ZZEF1: variants seen among roughly 807,000 people sequenced by gnomAD.
ZZEF1 encodes the protein zinc finger ZZ-type and EF-hand domain containing 1, also known as zinc finger ZZ-type and EF-hand domain-containing protein 1.
A neutral mutation model predicts 342.8 loss-of-function variants in ZZEF1; 157 were observed. The observed-to-expected ratio is 0.46, with a 90% confidence interval of 0.40 to 0.52. The LOEUF is 0.52. Ranked by LOEUF, ZZEF1 falls within the 20% of genes least tolerant of loss-of-function variation. ZZEF1 has a pLI of 0.00. For synonymous variants in ZZEF1, 1,505 were observed against 1,429.1 expected (o/e 1.05, Z -1.20); for missense variants, 3,480 against 3,725.6 (o/e 0.93, Z 1.72).
chr17:4,078,069 TGTTC>T, intron 18 of ZZEF1, 27 bp from the exon 19 acceptor site: 3 of 1,603,002 alleles, frequency 1.9e-6, no homozygotes, highest in Non-Finnish European at 2.6e-6. Flanking sequence ...AAACAGAAAG[TGTTC>T]GTGACAAGGC....
At position 4,064,374 on chromosome 17, in the gene ZZEF1, G is replaced by A. The variant is rs142687509; in HGVS notation, c.4705C>T (p.Leu1569Phe). 10 of 1,589,014 alleles carry A rather than the reference G, an allele frequency of 6.3e-6. No individual in the cohort carries two copies. The highest frequency in any genetic ancestry group is 8.6e-6 in the Non-Finnish European group (10 of 1,162,464). Residue 1569 changes from leucine to phenylalanine, a missense_variant, in exon 29 of 55, where the codon CTC becomes TTC. By Grantham distance (22) the Leu-to-Phe change is conservative. Transcript: ENST00000381638. ...CAACGGGCTTACCTCCTGTGCGAGA[G>A]CGACTGATCCTTAATGAAGTCCATG... Reference protein sequence around the residue: ...DVMDFIKDQSLSHRSVVKVLS... With the variant: ...DVMDFIKDQSFSHRSVVKVLS...
intron 52 of ZZEF1, 130 bp from the exon 53 acceptor site, chr17:4,009,887 C>T: frequency 9.6e-7 from 1 of 1,041,830 alleles, no homozygotes; most frequent in East Asian, 2.6e-5. Context: ...ATAAAGTCGC[C>T]TCACCTATGC....
chr17:4,022,245 G>C (rs2056290479), intron 44 of ZZEF1, among the ~76,000 whole-genome samples: 1 of 152,102 alleles, frequency 6.6e-6, no homozygotes, highest in Non-Finnish European at 1.5e-5. Flanking sequence ...AGTTGGCACT[G>C]GGCACAGAAA....
rs778411825 is a variant in ZZEF1 at position 4,051,954 on chromosome 17, G to A, written c.5600+17C>T. ...TGTAAATAAAAGGCTTGGTGGCGAC[G>A]GTCACTTGAGACATACCCGTAGGAG... On this transcript the variant is annotated intron_variant, in intron 35 of 54. Transcript: ENST00000381638. The A allele has an allele frequency of 8.8e-6, 14 of 1,598,484 alleles. No homozygotes were observed. In the East Asian group the frequency reaches 9.0e-5, roughly 10 times the overall value.
intron 37 of ZZEF1, among the ~76,000 whole-genome samples, chr17:4,045,132 C>T (rs1444678845): frequency 1.3e-5 from 2 of 151,706 alleles, no homozygotes; most frequent in East Asian, 1.9e-4. Context: ...CCAGCCTGGG[C>T]GACAGAGCAA....
intron 29 of ZZEF1, among the ~76,000 whole-genome samples, chr17:4,063,188 T>C (rs1057050823): frequency 4.6e-5 from 7 of 152,240 alleles, no homozygotes; most frequent in Non-Finnish European, 7.3e-5. Context: ...ATATTTTCAC[T>C]TTCCATAGAG....
chr17:4,019,799 A>G (rs1163418021), intron 45 of ZZEF1, 30 bp from the exon 46 acceptor site: 7 of 1,550,622 alleles, frequency 4.5e-6, no homozygotes, highest in Non-Finnish European at 6.2e-6. Flanking sequence ...GCAGACAAGA[A>G]CCATTAACAG....
Position 4,016,554 on chromosome 17 carries a change from G to A in ZZEF1, c.8002-88C>T. ...TACTTCAACCCAAGCTCCACCCAAA[G>A]GTGCTGGCATCATCTTAGACCTAGG... On this transcript the variant is annotated intron_variant, in intron 48 of 54. Transcript: ENST00000381638. The surrounding 1 kb of genome is among the most constrained non-coding windows in gnomAD (Gnocchi z 4.4). 5.4e-6 allele frequency: 8 copies of A among 1,484,384 alleles called. No individual in the cohort carries two copies. The South Asian group carries it at 8.0e-5, about 15-fold the overall frequency. The allele number at this position is 1,484,384 out of a possible 1,614,324, so 92.0% of individuals were successfully genotyped here. A position where few individuals can be genotyped will look rare whatever the true frequency, so the allele number is the denominator to read the frequency against.
Position 4,056,346 on chromosome 17 carries a change from C to A in ZZEF1, c.5166-1G>T. On this transcript the variant is annotated splice_acceptor_variant, in intron 32 of 54. Transcript: ENST00000381638. LOFTEE classifies it high-confidence loss of function. The stretch of plus-strand genomic sequence containing the variant: ...AAGCTCATCTTCTTCACTCCATTGG[C>A]TGAAAGAAGGACATAAAGAGAGAAA... The A allele has an allele frequency of 6.3e-7, 1 of 1,586,560 alleles. No homozygotes were observed. The highest frequency in any genetic ancestry group is 1.2e-5 in the South Asian group (1 of 84,582).
At chr17:4,129,921 CAA>C (rs2058636983) in intron 1 of ZZEF1, among the ~76,000 whole-genome samples, 1 of 152,106 alleles carries the variant, frequency 6.6e-6, no homozygotes, top group Non-Finnish European at 1.5e-5. Context: ...AACAGAAAAC[CAA>C]ATACTGCATG....
intron 1 of ZZEF1, among the ~76,000 whole-genome samples, chr17:4,134,362 A>ATATT (rs956735792): frequency 6.8e-6 from 1 of 146,688 alleles, no homozygotes; most frequent in Admixed American, 6.9e-5. Flanking sequence ...TTATATATAT[A>ATATT]TATTTATATA....
At chr17:4,116,658 A>G (rs1428242032) in intron 3 of ZZEF1, among the ~76,000 whole-genome samples, 1 of 152,258 alleles carries the variant, frequency 6.6e-6, no homozygotes, top group Non-Finnish European at 1.5e-5. Flanking sequence ...ACAACTTCAG[A>G]TAACAATAAG....
At chr17:4,091,894 T>C (rs68060817) in intron 11 of ZZEF1, among the ~76,000 whole-genome samples, 20,060 of 149,040 alleles carry the variant, frequency 0.13, 1,539 homozygotes, top group East Asian at 0.19. Context: ...CTGACCAACA[T>C]TAAGAAACTC....
At chr17:4,107,484 A>G (rs1217530859) in intron 6 of ZZEF1, among the ~76,000 whole-genome samples, 1 of 152,130 alleles carries the variant, frequency 6.6e-6, no homozygotes, top group East Asian at 1.9e-4. Context: ...GTACGGCCTG[A>G]TATGGAATGC....
In ZZEF1 at chr17:4,074,318, A is replaced by G; in HGVS notation, c.3517T>C (p.Phe1173Leu). 3.7e-6 allele frequency: 6 copies of G among 1,614,178 alleles called. No individual in the cohort carries two copies. Among genetic ancestry groups the G allele is most frequent in the Non-Finnish European group, 5.1e-6 (6 of 1,180,034 alleles). Residue 1173 changes from phenylalanine (F) to leucine (L), a missense_variant, in exon 24 of 55, where the codon TTC becomes CTC. Physicochemically the swap from Phe to Leu is conservative, Grantham distance 22 (BLOSUM62 0). This residue lies in a region of ZZEF1 where 1,528 missense variants were observed against 1,624.1 expected (regional missense o/e 0.94). Transcript: ENST00000381638. ...TGACTGCTGTCAGAGTGAAAGAGGA[A>G]CTGCAACCGAGGACCGGCCTTGAAG... Reference protein sequence around the residue: ...VTFKAGPRLQFLFHSDSSHNE... With the variant: ...VTFKAGPRLQLLFHSDSSHNE...
rs74340131 is a variant in ZZEF1, at chr17:4,128,345, T to TA, written c.355-4295dup. ...CCTGGGTGACAGAGCCAGACTGTCT[T>TA]AAAAAAAAAAAAAAAAAAAAAAAAG... On this transcript the variant is annotated intron_variant, in intron 1 of 54. Transcript: ENST00000381638. 3.0e-3 allele frequency among the ~76,000 whole-genome samples: 247 copies of TA among 81,524 alleles called. 2 individuals carry two copies. Among genetic ancestry groups the TA allele is most frequent in the South Asian group, 0.012 (24 of 2,056 alleles). The allele number at this position is 81,524 out of a possible 152,430, so 53.5% of individuals were successfully genotyped here. A position where few individuals can be genotyped will look rare whatever the true frequency, so the allele number is the denominator to read the frequency against.
At chr17:4,074,406 A>C in intron 23 of ZZEF1, 55 bp from the exon 24 acceptor site, 1 of 1,554,038 alleles carries the variant, frequency 6.4e-7, no homozygotes, top group Non-Finnish European at 8.9e-7. Context: ...AGTGCTTCAG[A>C]AATCAGCATG....
At chr17:4,033,092 C>G (rs1037623278) in intron 40 of ZZEF1, 90 bp from the exon 41 acceptor site, 22 of 1,305,188 alleles carry the variant, frequency 1.7e-5, no homozygotes, top group Non-Finnish European at 2.2e-5. Flanking sequence ...GACCCAGAAG[C>G]CTTCAAAGAG....
At position 4,017,542 on chromosome 17, in the gene ZZEF1, C is replaced by G; in HGVS notation, c.7830G>C (p.Val2610=). The change falls in exon 48 of 55, where the codon GTG becomes GTC. Residue 2610 remains valine (V), a synonymous_variant. Transcript: ENST00000381638. The surrounding 1 kb of genome is among the most constrained non-coding windows in gnomAD (Gnocchi z 5.1). The part of the protein sequence containing the change: ...KRAVRDYLFR[V]NEATAVLYAR... ...CGTACAGGACAGCTGTGGCCTCGTT[C>G]ACTCGGAAGAGGTAGTCCCGGACAG... 1 of 1,614,288 alleles carries G rather than the reference C, an allele frequency of 6.2e-7. No homozygotes were observed. The highest frequency in any genetic ancestry group is 8.5e-7 in the Non-Finnish European group (1 of 1,180,052).
Sources: gnomAD v4.1 joint callset for allele counts (sites outside exome capture counted in the v4.1 genomes callset) on GRCh38, gnomAD v4.1.1 for gene constraint, gnomAD v4.1.1 regional missense constraint, Gnocchi (gnomAD v3.1) non-coding constraint, MANE v1.5 for transcripts, NCBI Gene and HGNC (gene_info 2026-07-23, HGNC 2026-07-21) for gene names.